Variants in P2RY8 observed in about 807,000 individuals in gnomAD.
P2RY8 encodes P2Y receptor family member 8.
A neutral mutation model predicts 10.0 loss-of-function variants in P2RY8; 6 were observed. That is an observed-to-expected ratio of 0.60 (90% CI 0.33 to 1.19). The LOEUF (loss-of-function observed/expected upper bound fraction) is 1.19. P2RY8 is among the 50% of genes most tolerant of loss of function. The pLI is 0.04. For synonymous variants in P2RY8, 276 were observed against 252.5 expected, an observed-to-expected ratio of 1.09 and a Z score of -0.88; for missense variants, 456 against 542.0, an observed-to-expected ratio of 0.84 and a Z score of 1.58.
intron 1 of P2RY8, among the ~76,000 whole-genome samples, chrX:1,508,334 T>G (rs61043500): frequency 6.6e-6 from 1 of 152,040 alleles, no homozygotes; most frequent in East Asian, 1.9e-4. Flanking sequence ...CTGGCTGTCA[T>G]GACGGGGTGG....
intron 1 of P2RY8, among the ~76,000 whole-genome samples, chrX:1,509,091 G>GTATC (rs1318714328): frequency 0.01 from 1,352 of 129,330 alleles, 8 homozygotes; most frequent in Admixed American, 0.016. Context: ...ATCTATCTAT[G>GTATC]TATCTATGTA....
intron 1 of P2RY8, among the ~76,000 whole-genome samples, chrX:1,487,259 G>A (rs1220691046): frequency 1.3e-5 from 2 of 152,336 alleles, no homozygotes; most frequent in South Asian, 2.1e-4. Context: ...GCCACACAGA[G>A]CTTCCTTCCT....
chrX:1,485,143 T>G (rs1196332056), intron 1 of P2RY8, among the ~76,000 whole-genome samples: 1 of 151,818 alleles, frequency 6.6e-6, no homozygotes, highest in Non-Finnish European at 1.5e-5. Flanking sequence ...GTAATGTCTT[T>G]TTTCTTCTTT....
intron 1 of P2RY8, among the ~76,000 whole-genome samples, chrX:1,533,937 T>C (rs2092502849): frequency 8.1e-6 from 1 of 123,798 alleles, no homozygotes; most frequent in African/African-American, 3.2e-5. Context: ...ATATATTATT[T>C]ATTATTTACA....
intron 1 of P2RY8, among the ~76,000 whole-genome samples, chrX:1,525,167 T>C (rs1478280691): frequency 6.6e-6 from 1 of 152,224 alleles, no homozygotes; most frequent in East Asian, 1.9e-4. Flanking sequence ...GCCAAGGAGC[T>C]CAGTGTTTTG....
chrX:1,472,703 GATGT>G (rs1259107966), intron 1 of P2RY8, among the ~76,000 whole-genome samples: 3 of 32,892 alleles, frequency 9.1e-5, no homozygotes, highest in African/African-American at 1.4e-4. Flanking sequence ...TGGGAGGGTG[GATGT>G]GTGGATGAAT....
intron 1 of P2RY8, among the ~76,000 whole-genome samples, chrX:1,535,972 C>G (rs1159276330): frequency 6.6e-6 from 1 of 152,040 alleles, no homozygotes; most frequent in South Asian, 2.1e-4. Flanking sequence ...GCCGTGAGAC[C>G]CGGGTCTGGG....
chrX:1,496,484 C>A (rs1314540609), intron 1 of P2RY8, among the ~76,000 whole-genome samples: 2 of 152,082 alleles, frequency 1.3e-5, no homozygotes, highest in Admixed American at 1.3e-4. Context: ...TCTCTCTCTC[C>A]GCTCAGTTCA....
intron 1 of P2RY8, among the ~76,000 whole-genome samples, chrX:1,485,788 T>C (rs1366570505): frequency 6.7e-6 from 1 of 149,664 alleles, no homozygotes; most frequent in Non-Finnish European, 1.5e-5. Flanking sequence ...TTGTGTATTA[T>C]ATGTAACATA....
intron 1 of P2RY8, among the ~76,000 whole-genome samples, chrX:1,519,706 ATC>A (rs2092377053): frequency 6.6e-6 from 1 of 151,694 alleles, no homozygotes; most frequent in Non-Finnish European, 1.5e-5. Flanking sequence ...GTCCCTAATC[ATC>A]TCTCTGGTTA....
At chrX:1,503,484 G>A (rs2092199079) in intron 1 of P2RY8, among the ~76,000 whole-genome samples, 1 of 152,166 alleles carries the variant, frequency 6.6e-6, no homozygotes, top group Non-Finnish European at 1.5e-5. Context: ...CTGCCAGCTG[G>A]GCGTAGTGGT....
intron 1 of P2RY8, among the ~76,000 whole-genome samples, chrX:1,526,933 G>A (rs1273327040): frequency 6.6e-6 from 1 of 151,826 alleles, no homozygotes; most frequent in Non-Finnish European, 1.5e-5. Flanking sequence ...CACTCCTGTT[G>A]CCCAGGCTGA....
In P2RY8 at chrX:1,465,863, C is replaced by A. The variant is rs1278703402; in HGVS notation, c.696G>T (p.Arg232=). Residue 232 remains arginine, a synonymous_variant, in exon 2 of 2, where the codon CGG becomes CGT. Coordinates refer to ENST00000381297, the MANE Select transcript of P2RY8 (RefSeq NM_178129.5). ...CCGCGGCCAGGCCCACCGCGCGCCT[C>A]CGCTGCTCCCGGCCGTGCGCCTCCT... ...RTEEAHGREQ[R]RRAVGLAAVV... is the part of the protein sequence containing the mutation. The A allele has an allele frequency of 6.2e-7, 1 of 1,612,514 alleles. No homozygotes were observed. The highest frequency in any genetic ancestry group is 8.5e-7 in the Non-Finnish European group (1 of 1,179,658).
At chrX:1,489,460 T>G (rs1272352800) in intron 1 of P2RY8, among the ~76,000 whole-genome samples, 1 of 151,180 alleles carries the variant, frequency 6.6e-6, no homozygotes, top group Non-Finnish European at 1.5e-5. Flanking sequence ...GATTTACTCC[T>G]GCAACAGTGG....
chrX:1,531,025 C>T (rs1232006426), intron 1 of P2RY8, among the ~76,000 whole-genome samples: 3 of 151,298 alleles, frequency 2.0e-5, no homozygotes, highest in Non-Finnish European at 4.4e-5. Context: ...TCTATCTATT[C>T]TATGTATCTA....
intron 1 of P2RY8, among the ~76,000 whole-genome samples, chrX:1,526,446 C>T (rs1447064729): frequency 6.6e-6 from 1 of 151,852 alleles, no homozygotes; most frequent in Non-Finnish European, 1.5e-5. Context: ...TTCATTCGCT[C>T]ATTTATTCCT....
intron 1 of P2RY8, among the ~76,000 whole-genome samples, chrX:1,536,685 G>C (rs1246716677): frequency 6.6e-6 from 1 of 152,140 alleles, no homozygotes; most frequent in African/African-American, 2.4e-5. Context: ...TTAAAGGAAG[G>C]GTGGCTTGCA....
At chrX:1,527,706 T>TATCCATCC (rs373084254) in intron 1 of P2RY8, among the ~76,000 whole-genome samples, 1 of 151,330 alleles carries the variant, frequency 6.6e-6, no homozygotes, top group Non-Finnish European at 1.5e-5. Context: ...TTTACTCATC[T>TATCCATCC]ATCCATCCAT....
chrX:1,492,639 A>G (rs1263919355), intron 1 of P2RY8, among the ~76,000 whole-genome samples: 2 of 152,204 alleles, frequency 1.3e-5, no homozygotes, highest in South Asian at 2.1e-4. Context: ...CAATTTGACA[A>G]TTTCCACCTT....
Sources: allele counts gnomAD v4.1 joint callset (sites outside exome capture counted in the v4.1 genomes callset), GRCh38; gene constraint gnomAD v4.1.1; transcripts MANE v1.5; gene names NCBI Gene and HGNC (gene_info 2026-07-23, HGNC 2026-07-21).